The following CDKAL1 variants were observed in gnomAD, a reference collection of about 807,000 sequenced individuals.
CDKAL1 encodes threonylcarbamoyladenosine tRNA methylthiotransferase.
A neutral mutation model predicts 68.2 loss-of-function variants in CDKAL1; 32 were observed. The ratio of observed to expected loss-of-function variants is 0.47; its 90% confidence interval spans 0.35 to 0.63. CDKAL1 has a LOEUF of 0.63. Ranked by LOEUF, CDKAL1 falls within the 30% of genes least tolerant of loss-of-function variation. The probability of loss-of-function intolerance (pLI) is 0.00; values close to 1 mark genes in which losing one functional copy is unlikely to be tolerated. For missense variants in CDKAL1, 606 were observed against 696.7 expected, an observed-to-expected ratio of 0.87 and a Z score of 1.47; for synonymous variants, 234 against 244.3, an observed-to-expected ratio of 0.96 and a Z score of 0.39.
At chr6:21,106,857 G>GTGTT (rs1562036282) in intron 12 of CDKAL1, among the ~76,000 whole-genome samples, 1 of 151,448 alleles carries the variant, frequency 6.6e-6, no homozygotes, top group African/African-American at 2.4e-5. Context: ...GTGTTTGTGT[G>GTGTT]TGTGCGTAGA....
At chr6:20,628,928 A>G (rs2127739854) in intron 4 of CDKAL1, among the ~76,000 whole-genome samples, 1 of 152,186 alleles carries the variant, frequency 6.6e-6, no homozygotes, top group Admixed American at 6.5e-5. Context: ...TCATCCCCAA[A>G]TACTTTATTG....
intron 8 of CDKAL1, among the ~76,000 whole-genome samples, chr6:20,823,032 C>G (rs1404284719): frequency 6.6e-6 from 1 of 152,126 alleles, no homozygotes; most frequent in Admixed American, 6.6e-5. Flanking sequence ...TTAATAACTC[C>G]TACTCTCTAA....
At chr6:20,711,415 A>T (rs1377602049) in intron 5 of CDKAL1, among the ~76,000 whole-genome samples, 3 of 152,192 alleles carry the variant, frequency 2.0e-5, no homozygotes, top group Non-Finnish European at 4.4e-5. Context: ...TAGTAAAAAG[A>T]GTTTTGGACT....
At chr6:21,160,654 C>T (rs148441394) in intron 13 of CDKAL1, among the ~76,000 whole-genome samples, 2 of 134,056 alleles carry the variant, frequency 1.5e-5, no homozygotes, top group African/African-American at 2.7e-5. Context: ...CACACACACA[C>T]ACGTGTGTGT....
chr6:20,652,229 A>C (rs1768804124), intron 5 of CDKAL1, among the ~76,000 whole-genome samples: 1 of 152,034 alleles, frequency 6.6e-6, no homozygotes, highest in Non-Finnish European at 1.5e-5. Context: ...CTAATAGGTG[A>C]TTTTTGAGTA....
intron 5 of CDKAL1, among the ~76,000 whole-genome samples, chr6:20,679,044 A>G (rs569138540): frequency 6.6e-6 from 1 of 152,280 alleles, no homozygotes; most frequent in Admixed American, 6.5e-5. Flanking sequence ...ATCTATGACT[A>G]CGGGAGTGTG....
intron 8 of CDKAL1, among the ~76,000 whole-genome samples, chr6:20,829,136 G>C (rs1410471457): frequency 6.6e-6 from 1 of 152,180 alleles, no homozygotes; most frequent in East Asian, 1.9e-4. Context: ...AATGTTTGCT[G>C]TGATCATTAC....
At chr6:20,589,363 T>C (rs113379876) in intron 4 of CDKAL1, among the ~76,000 whole-genome samples, 98 of 152,364 alleles carry the variant, frequency 6.4e-4, no homozygotes, top group Non-Finnish European at 1.1e-3. Context: ...TACACACACA[T>C]GTTCTGCACG....
intron 8 of CDKAL1, among the ~76,000 whole-genome samples, chr6:20,806,817 G>A (rs1420842660): frequency 4.6e-5 from 7 of 152,096 alleles, no homozygotes; most frequent in Non-Finnish European, 1.0e-4. Context: ...AACTACAAGC[G>A]AGGATATTTA....
chr6:20,593,098 A>G (rs1765664968), intron 4 of CDKAL1, among the ~76,000 whole-genome samples: 2 of 152,106 alleles, frequency 1.3e-5, no homozygotes, highest in Non-Finnish European at 2.9e-5. Flanking sequence ...TTTTTGCATC[A>G]ATGTTCATCA....
intron 8 of CDKAL1, among the ~76,000 whole-genome samples, chr6:20,819,479 G>A (rs1430061511): frequency 1.3e-5 from 2 of 152,088 alleles, no homozygotes; most frequent in Non-Finnish European, 2.9e-5. Context: ...GTTTTTGCTT[G>A]TATTCATTTA....
intron 13 of CDKAL1, among the ~76,000 whole-genome samples, chr6:21,186,399 T>TA (rs1270908136): frequency 6.6e-6 from 1 of 152,324 alleles, no homozygotes; most frequent in East Asian, 1.9e-4. Context: ...GGCTTATTTT[T>TA]AAAAAATGAA....
At chr6:20,749,365 C>T (rs1232268196) in intron 6 of CDKAL1, among the ~76,000 whole-genome samples, 1 of 152,046 alleles carries the variant, frequency 6.6e-6, no homozygotes, top group African/African-American at 2.4e-5. Context: ...ACCACACAAC[C>T]CATTTATGTT....
At chr6:20,580,228 AATT>A (rs2127688207) in intron 4 of CDKAL1, among the ~76,000 whole-genome samples, 1 of 152,310 alleles carries the variant, frequency 6.6e-6, no homozygotes, top group South Asian at 2.1e-4. Flanking sequence ...TTGGGGTTTC[AATT>A]ATTTTCAAGC....
intron 13 of CDKAL1, among the ~76,000 whole-genome samples, chr6:21,150,292 A>G (rs979720256): frequency 6.6e-6 from 1 of 152,214 alleles, no homozygotes; most frequent in African/African-American, 2.4e-5. Context: ...AATACCCAGC[A>G]AGGTATTCAG....
At chr6:21,184,458 A>T (rs768083326) in intron 13 of CDKAL1, among the ~76,000 whole-genome samples, 2 of 151,902 alleles carry the variant, frequency 1.3e-5, no homozygotes, top group Non-Finnish European at 2.9e-5. Context: ...GCCTGCCCAA[A>T]GTGCTGGGAT....
chr6:20,726,485 A>G (rs759818531), intron 5 of CDKAL1, among the ~76,000 whole-genome samples: 65 of 152,226 alleles, frequency 4.3e-4, no homozygotes, highest in Non-Finnish European at 4.8e-4. Flanking sequence ...TATTGAGCGC[A>G]TTATAAACTT....
chr6:21,227,713 C>T (rs1474380439), intron 15 of CDKAL1, among the ~76,000 whole-genome samples: 1 of 152,082 alleles, frequency 6.6e-6, no homozygotes, highest in African/African-American at 2.4e-5. Flanking sequence ...CAGTTATGTT[C>T]AAATATGTTA....
intron 10 of CDKAL1, among the ~76,000 whole-genome samples, chr6:20,985,233 G>A (rs1476796507): frequency 2.0e-5 from 3 of 152,130 alleles, no homozygotes; most frequent in Admixed American, 2.0e-4. Flanking sequence ...TTTGGGTGTG[G>A]ACATTCAAAA....
Sources: allele counts gnomAD v4.1 joint callset (sites outside exome capture counted in the v4.1 genomes callset), GRCh38; gene constraint gnomAD v4.1.1; transcripts MANE v1.5; gene names NCBI Gene and HGNC (gene_info 2026-07-23, HGNC 2026-07-21).